SMAD1: variants seen among roughly 807,000 people sequenced by gnomAD.
SMAD1 encodes the protein SMAD family member 1, also known as MAD, mothers against decapentaplegic homolog 1.
A neutral mutation model predicts 41.6 loss-of-function variants in SMAD1; 6 were observed. That is an observed-to-expected ratio of 0.14 (90% confidence interval 0.08 to 0.28). The LOEUF is 0.28. SMAD1 is among the 10% of genes least tolerant of loss of function. The pLI is 1.00. For missense variants in SMAD1, 379 were observed against 582.6 expected, an observed-to-expected ratio of 0.65 and a Z score of 3.60; for synonymous variants, 206 against 203.2, an observed-to-expected ratio of 1.01 and a Z score of -0.12.
At chr4:145,492,261 A>G (rs529621347) in intron 1 of SMAD1, among the ~76,000 whole-genome samples, 65 of 152,256 alleles carry the variant, frequency 4.3e-4, no homozygotes, top group Admixed American at 1.1e-3. Flanking sequence ...CTCAGATCCC[A>G]CAGATTGAAG....
intron 2 of SMAD1, among the ~76,000 whole-genome samples, chr4:145,532,503 A>T (rs555074085): frequency 6.6e-6 from 1 of 152,328 alleles, no homozygotes; most frequent in East Asian, 1.9e-4. Flanking sequence ...AGCTCCTAGG[A>T]TACAAGAAGG....
At chr4:145,521,016 T>C (rs1480583812) in intron 2 of SMAD1, among the ~76,000 whole-genome samples, 1 of 152,132 alleles carries the variant, frequency 6.6e-6, no homozygotes, top group Non-Finnish European at 1.5e-5. Flanking sequence ...TTTGGGAAAG[T>C]AGAAAATGTT....
chr4:145,511,669 A>T (rs1260864680), intron 1 of SMAD1, among the ~76,000 whole-genome samples: 1 of 152,256 alleles, frequency 6.6e-6, no homozygotes, highest in Admixed American at 6.5e-5. Context: ...CTGTACTAAT[A>T]GTAAATTATA....
chr4:145,504,651 C>CT (rs2126354336), intron 1 of SMAD1, among the ~76,000 whole-genome samples: 1 of 152,262 alleles, frequency 6.6e-6, no homozygotes, highest in Non-Finnish European at 1.5e-5. Context: ...CCTCAGCCCT[C>CT]TTGCTGGGCC....
At chr4:145,532,543 G>A (rs887174425) in intron 2 of SMAD1, among the ~76,000 whole-genome samples, 6 of 152,136 alleles carry the variant, frequency 3.9e-5, no homozygotes, top group Non-Finnish European at 7.4e-5. Flanking sequence ...TAAATAACTC[G>A]GAAGAAATTC....
chr4:145,495,486 TTATCTC>T (rs1729021930), intron 1 of SMAD1, among the ~76,000 whole-genome samples: 1 of 152,198 alleles, frequency 6.6e-6, no homozygotes, highest in African/African-American at 2.4e-5. Context: ...TAAATTTTCT[TTATCTC>T]TACATCTACT....
intron 2 of SMAD1, among the ~76,000 whole-genome samples, chr4:145,536,660 T>C (rs1390546301): frequency 6.6e-6 from 1 of 152,086 alleles, no homozygotes; most frequent in Non-Finnish European, 1.5e-5. Context: ...TTAAAGAAAA[T>C]TCAGTTCACA....
chr4:145,499,970 C>T (rs143306927), intron 1 of SMAD1, among the ~76,000 whole-genome samples: 4 of 152,174 alleles, frequency 2.6e-5, no homozygotes, highest in Admixed American at 6.5e-5. Context: ...TCCCATAATA[C>T]GGGTTTTCAT....
intron 1 of SMAD1, among the ~76,000 whole-genome samples, chr4:145,504,732 A>G (rs997516248): frequency 1.3e-5 from 2 of 152,176 alleles, no homozygotes; most frequent in African/African-American, 4.8e-5. Context: ...AAAAGTTTGT[A>G]AGTTCCCAGT....
At chr4:145,512,494 T>G in intron 1 of SMAD1, among the ~76,000 whole-genome samples, 1 of 152,228 alleles carries the variant, frequency 6.6e-6, no homozygotes, top group Non-Finnish European at 1.5e-5. Context: ...TAATCTTTTA[T>G]TCTACTGTAT....
chr4:145,502,421 A>ACCC (rs1729497772), intron 1 of SMAD1, among the ~76,000 whole-genome samples: 1 of 152,220 alleles, frequency 6.6e-6, no homozygotes, highest in African/African-American at 2.4e-5. Context: ...GAAGTTGGGG[A>ACCC]CAATAAGAAA....
At chr4:145,536,812 G>A (rs1010226495) in intron 2 of SMAD1, among the ~76,000 whole-genome samples, 3 of 152,024 alleles carry the variant, frequency 2.0e-5, no homozygotes, top group African/African-American at 4.8e-5. Flanking sequence ...GACTGTCTAC[G>A]GTGGAAGAAA....
intron 2 of SMAD1, among the ~76,000 whole-genome samples, chr4:145,533,928 C>T (rs115816221): frequency 0.013 from 1,933 of 152,208 alleles, 39 homozygotes; most frequent in African/African-American, 0.044. Flanking sequence ...GAAGCCCTAA[C>T]CCCAAGCACC....
intron 3 of SMAD1, among the ~76,000 whole-genome samples, chr4:145,541,822 G>C (rs960884361): frequency 2.0e-5 from 3 of 152,214 alleles, no homozygotes; most frequent in African/African-American, 7.2e-5. Context: ...TGAGGAGCTT[G>C]CTTTTGGATG....
intron 1 of SMAD1, among the ~76,000 whole-genome samples, chr4:145,498,570 C>T (rs956955489): frequency 6.6e-6 from 1 of 152,164 alleles, no homozygotes; most frequent in Non-Finnish European, 1.5e-5. Flanking sequence ...GTTGGCTCTC[C>T]TGCACTCCCT....
At chr4:145,505,446 A>G (rs2126358818) in intron 1 of SMAD1, among the ~76,000 whole-genome samples, 1 of 152,206 alleles carries the variant, frequency 6.6e-6, no homozygotes, top group East Asian at 1.9e-4. Flanking sequence ...ATATATTAAA[A>G]ATACTGGAAA....
chr4:145,534,763 A>G (rs1377830721), intron 2 of SMAD1, among the ~76,000 whole-genome samples: 2 of 152,248 alleles, frequency 1.3e-5, no homozygotes, highest in Non-Finnish European at 2.9e-5. Context: ...ACTAAACTCC[A>G]AAGGGATCAC....
chr4:145,541,141 C>T (rs953135258), intron 3 of SMAD1, among the ~76,000 whole-genome samples: 1 of 152,032 alleles, frequency 6.6e-6, no homozygotes, highest in Admixed American at 6.5e-5. Flanking sequence ...GTATGATGGG[C>T]AGGTTAGTGG....
intron 2 of SMAD1, among the ~76,000 whole-genome samples, chr4:145,535,064 A>G (rs1319543504): frequency 6.6e-6 from 1 of 152,198 alleles, no homozygotes; most frequent in Non-Finnish European, 1.5e-5. Flanking sequence ...CAACAGTTCA[A>G]AGAAAAAGAT....
Sources: allele counts gnomAD v4.1 joint callset (sites outside exome capture counted in the v4.1 genomes callset), GRCh38; gene constraint gnomAD v4.1.1; transcripts MANE v1.5; gene names NCBI Gene and HGNC (gene_info 2026-07-23, HGNC 2026-07-21).